RBFOX1: variants seen among roughly 807,000 people sequenced by gnomAD.
RBFOX1 encodes the protein RNA binding fox-1 homolog 1.
A neutral mutation model predicts 57.7 loss-of-function variants in RBFOX1; 8 were observed. The observed-to-expected ratio is 0.14, with a 90% confidence interval of 0.08 to 0.25. RBFOX1 has a LOEUF of 0.25. Among genes scored for constraint, RBFOX1 ranks in the 10% least tolerant of loss-of-function variants. RBFOX1 has a pLI of 1.00. For synonymous variants in RBFOX1, 326 were observed against 222.4 expected, an observed-to-expected ratio of 1.47 and a Z score of -4.15; for missense variants, 611 against 548.5, an observed-to-expected ratio of 1.11 and a Z score of -1.14.
chr16:7,039,867 TTC>T (rs1423020076), intron 3 of RBFOX1, among the ~76,000 whole-genome samples: 1 of 152,126 alleles, frequency 6.6e-6, no homozygotes, highest in East Asian at 1.9e-4. Context: ...TCTTTTTATT[TTC>T]TGTTTGTACT....
At chr16:6,639,041 C>T (rs1407895294) in intron 2 of RBFOX1, among the ~76,000 whole-genome samples, 3 of 152,218 alleles carry the variant, frequency 2.0e-5, no homozygotes, top group Non-Finnish European at 4.4e-5. Flanking sequence ...CCTGTGGCCC[C>T]ACCCAGCCAC....
chr16:6,705,387 G>C (rs181079549), intron 3 of RBFOX1: 1 of 152,152 alleles, frequency 6.6e-6, no homozygotes, highest in Admixed American at 6.6e-5. Flanking sequence ...GCTTAATTGG[G>C]ACACAGATGG....
intron 3 of RBFOX1, among the ~76,000 whole-genome samples, chr16:5,799,350 C>T (rs1555530354): frequency 6.6e-6 from 1 of 152,040 alleles, no homozygotes; most frequent in Non-Finnish European, 1.5e-5. Flanking sequence ...ATAGCCAAAC[C>T]ATATCAAGGG....
At chr16:7,120,301 C>G (rs1238846068) in intron 4 of RBFOX1, among the ~76,000 whole-genome samples, 1 of 151,388 alleles carries the variant, frequency 6.6e-6, no homozygotes, top group Admixed American at 6.6e-5. Context: ...AAATCAAAAA[C>G]TAATACATGC....
chr16:7,245,748 AAAG>A (rs1159219316), intron 4 of RBFOX1, among the ~76,000 whole-genome samples: 1 of 152,176 alleles, frequency 6.6e-6, no homozygotes. Flanking sequence ...TTTTTTGAAA[AAAG>A]AAAATAACTT....
chr16:5,724,000 G>A (rs767907624), intron 3 of RBFOX1, among the ~76,000 whole-genome samples: 2 of 142,200 alleles, frequency 1.4e-5, no homozygotes, highest in Non-Finnish European at 3.0e-5. Flanking sequence ...AAGAGTGTCG[G>A]TGTATAGCTC....
intron 2 of RBFOX1, among the ~76,000 whole-genome samples, chr16:6,562,468 G>C (rs931035599): frequency 6.6e-6 from 1 of 152,186 alleles, no homozygotes; most frequent in East Asian, 1.9e-4. Flanking sequence ...AGCTGTGCTG[G>C]CATACAGGAG....
At chr16:5,650,065 A>G (rs1307344815) in intron 3 of RBFOX1, among the ~76,000 whole-genome samples, 1 of 152,184 alleles carries the variant, frequency 6.6e-6, no homozygotes, top group South Asian at 2.1e-4. Flanking sequence ...AGCAAACACA[A>G]GTTTTGAAGG....
intron 3 of RBFOX1, among the ~76,000 whole-genome samples, chr16:5,609,259 C>G (rs2047691755): frequency 6.6e-6 from 1 of 152,184 alleles, no homozygotes; most frequent in African/African-American, 2.4e-5. Flanking sequence ...TTGGTAGATG[C>G]TATCTCATTT....
At position 6,914,684 on chromosome 16, in the gene RBFOX1, G is replaced by C. The variant is rs181929396; in HGVS notation, c.-15-137373G>C. 1.2e-4 allele frequency among the ~76,000 whole-genome samples: 18 copies of C among 152,268 alleles called. No individual in the cohort carries two copies. In the East Asian group the frequency reaches 2.5e-3, roughly 21 times the overall value. ...AGGCCACGAGTTCAAGATCAGCCTG[G>C]CCAACATAGCAAGATCCCATCTGTA... On this transcript the variant is annotated intron_variant, in intron 3 of 15. Coordinates refer to ENST00000550418, the MANE Select transcript of RBFOX1 (RefSeq NM_018723.4).
intron 4 of RBFOX1, among the ~76,000 whole-genome samples, chr16:7,391,928 C>T (rs12598200): frequency 0.081 from 12,333 of 152,194 alleles, 534 homozygotes; most frequent in East Asian, 0.2. Flanking sequence ...GTTAGTTTAC[C>T]TTATGCACTC....
intron 3 of RBFOX1, among the ~76,000 whole-genome samples, chr16:6,724,462 C>T (rs150055082): frequency 1.3e-5 from 2 of 152,064 alleles, no homozygotes; most frequent in African/African-American, 2.4e-5. Context: ...CCCACCTCGT[C>T]CTCCCAAAGT....
At chr16:5,346,972 T>C (rs1213523046) in intron 1 of RBFOX1, among the ~76,000 whole-genome samples, 2 of 152,198 alleles carry the variant, frequency 1.3e-5, no homozygotes, top group African/African-American at 2.4e-5. Flanking sequence ...GGCTTTTGCA[T>C]TGGTCGCTCT....
chr16:5,342,350 G>C (rs572196704), intron 1 of RBFOX1, among the ~76,000 whole-genome samples: 24 of 152,236 alleles, frequency 1.6e-4, no homozygotes, highest in African/African-American at 4.8e-4. Context: ...AGCTGAGAAA[G>C]CCTTGGGGGA....
intron 1 of RBFOX1, among the ~76,000 whole-genome samples, chr16:5,387,209 C>T (rs1457939170): frequency 6.6e-6 from 1 of 152,066 alleles, no homozygotes; most frequent in African/African-American, 2.4e-5. Context: ...TTAACAGGCT[C>T]TTGGTATACG....
At chr16:6,537,903 T>G (rs1567601373) in intron 2 of RBFOX1, among the ~76,000 whole-genome samples, 2 of 151,878 alleles carry the variant, frequency 1.3e-5, no homozygotes, top group Non-Finnish European at 2.9e-5. Flanking sequence ...TATAGCTGAA[T>G]GGAAGAACCG....
At chr16:5,457,526 G>C (rs2068666377) in intron 1 of RBFOX1, among the ~76,000 whole-genome samples, 1 of 152,178 alleles carries the variant, frequency 6.6e-6, no homozygotes, top group Non-Finnish European at 1.5e-5. Context: ...CCTCTGAAGA[G>C]CATCACATTG....
chr16:6,002,753 T>G (rs995150177), intron 4 of RBFOX1, among the ~76,000 whole-genome samples: 5 of 152,258 alleles, frequency 3.3e-5, no homozygotes, highest in African/African-American at 1.2e-4. Context: ...AAGTACCATA[T>G]TTATGTTTGC....
chr16:5,904,112 G>T (rs925043552), intron 4 of RBFOX1, among the ~76,000 whole-genome samples: 2 of 152,138 alleles, frequency 1.3e-5, no homozygotes, highest in Admixed American at 6.5e-5. Context: ...CAGGTAAGGC[G>T]AATGGGCCTC....
Sources: allele counts gnomAD v4.1 joint callset (sites outside exome capture counted in the v4.1 genomes callset), GRCh38; gene constraint gnomAD v4.1.1; transcripts MANE v1.5; gene names NCBI Gene and HGNC (gene_info 2026-07-23, HGNC 2026-07-21).